The following NOX5 variants were observed in gnomAD, a reference collection of about 807,000 sequenced individuals.
NOX5 encodes NADPH oxidase, EF-hand calcium binding domain 5.
A neutral mutation model predicts 85.7 loss-of-function variants in NOX5; 76 were observed. That is an observed-to-expected ratio of 0.89 (90% confidence interval 0.74 to 1.07). The LOEUF is 1.07. Ranked by LOEUF, NOX5 falls within the 50% of genes least tolerant of loss-of-function variation. The pLI is 0.00. For synonymous variants in NOX5, 405 were observed against 401.4 expected, an observed-to-expected ratio of 1.01 and a Z score of -0.11; for missense variants, 973 against 999.5, an observed-to-expected ratio of 0.97 and a Z score of 0.36.
At chr15:69,031,058 ACCAC>A in intron 3 of NOX5, 1 of 159,562 alleles carries the variant, frequency 6.3e-6, no homozygotes, top group Non-Finnish European at 1.4e-5. Flanking sequence ...ATCACTTTCA[ACCAC>A]CCATGTTTAC....
chr15:69,027,659 A>G (rs975498941), intron 2 of NOX5, among the ~76,000 whole-genome samples: 1 of 152,198 alleles, frequency 6.6e-6, no homozygotes, highest in African/African-American at 2.4e-5. Flanking sequence ...CAGAGGCTAC[A>G]CAGTACAAGA....
Position 69,031,505 on chromosome 15 carries a change from C to A in NOX5, c.326-13C>A. 8 of 1,593,140 alleles carry A rather than the reference C, an allele frequency of 5.0e-6. No individual in the cohort carries two copies. The highest frequency in any genetic ancestry group is 6.8e-6 in the Non-Finnish European group (8 of 1,168,064). On this transcript the variant is annotated splice_polypyrimidine_tract_variant and intron_variant, in intron 3 of 15. Coordinates refer to ENST00000388866, the MANE Select transcript of NOX5 (RefSeq NM_024505.4). ...GAGGTGGGTAAACAGAAGAGGCCCA[C>A]CACTTCTTGCAGTGTGTGCACGGCA...
rs570958858 is a variant in NOX5 at position 69,021,563 on chromosome 15, G to A, written c.51-4965G>A. On this transcript the variant is annotated intron_variant, in intron 1 of 15. Transcript: ENST00000388866. Reference sequence around the variant, plus strand: ...AATCTCTTGACCTCATGATCCACCTGCCTTGGCCTCCCAAAGTGCTGGGAT... The same window carrying A: ...AATCTCTTGACCTCATGATCCACCTACCTTGGCCTCCCAAAGTGCTGGGAT... 2.5e-3 allele frequency among the ~76,000 whole-genome samples: 379 copies of A among 152,206 alleles called. 1 individual carries two copies. Among genetic ancestry groups the A allele is most frequent in the Non-Finnish European group, 4.0e-3 (271 of 68,006 alleles).
intron 12 of NOX5, 32 bp from the exon 13 acceptor site, chr15:69,047,798 A>G (rs375188947): frequency 1.5e-4 from 245 of 1,612,184 alleles, no homozygotes; most frequent in Non-Finnish European, 2.0e-4. Flanking sequence ...CTCACCCCAA[A>G]TTTACAACCC....
intron 4 of NOX5, 111 bp downstream of exon 4, chr15:69,031,923 G>GT: frequency 8.9e-7 from 1 of 1,120,920 alleles, no homozygotes; most frequent in African/African-American, 1.7e-5. Context: ...GCCCTGCCCC[G>GT]CCCCTCCCCA....
chr15:69,054,772 A>C (rs2050789931), intron 14 of NOX5, among the ~76,000 whole-genome samples: 1 of 151,830 alleles, frequency 6.6e-6, no homozygotes, highest in South Asian at 2.1e-4. Context: ...CATTCACTCG[A>C]CCCTTGACCC....
chr15:69,045,155 C>G (rs1378290521), intron 10 of NOX5, among the ~76,000 whole-genome samples: 1 of 152,212 alleles, frequency 6.6e-6, no homozygotes, highest in Non-Finnish European at 1.5e-5. Flanking sequence ...AAGCCATGTT[C>G]AGGAAGTATG....
chr15:69,047,432 A>G lies in NOX5; in HGVS notation c.1712A>G (p.Tyr571Cys). ...CNIKCYIDGP[Y>C]GTPTRRIFAS... is the part of the protein sequence containing the mutation. ...GCACAGTGCTACATCGATGGGCCTT[A>G]TGGGACCCCCACCCGCAGGATCTTT... is the stretch of plus-strand genomic sequence containing the variant. The change falls in exon 12 of 16, where the codon TAT becomes TGT. Residue 571 changes from tyrosine (Y) to cysteine (C), a missense_variant. Transcript: ENST00000388866. 1 of 1,613,680 alleles carries G rather than the reference A, an allele frequency of 6.2e-7. No individual in the cohort carries two copies. The highest frequency in any genetic ancestry group is 8.5e-7 in the Non-Finnish European group (1 of 1,179,906).
At chr15:69,016,388 G>A (rs1035862275) in intron 1 of NOX5, among the ~76,000 whole-genome samples, 11 of 152,220 alleles carry the variant, frequency 7.2e-5, no homozygotes, top group African/African-American at 2.4e-4. Flanking sequence ...CCTCCTTGCT[G>A]CCTGCAGCTC....
chr15:69,039,378 G>T (rs11629856), intron 9 of NOX5, among the ~76,000 whole-genome samples: 41,695 of 151,342 alleles, frequency 0.28, 6,156 homozygotes, highest in South Asian at 0.39. Flanking sequence ...GCTATGGGGG[G>T]TGGCGGGGGG....
intron 5 of NOX5, among the ~76,000 whole-genome samples, chr15:69,033,801 C>T (rs1481086166): frequency 6.7e-6 from 1 of 148,732 alleles, no homozygotes; most frequent in Non-Finnish European, 1.5e-5. Flanking sequence ...TTCAAGCGAT[C>T]CTCCTGCCTC....
At chr15:69,050,326 T>C (rs878970970) in intron 14 of NOX5, among the ~76,000 whole-genome samples, 1 of 152,244 alleles carries the variant, frequency 6.6e-6, no homozygotes, top group Admixed American at 6.5e-5. Context: ...TGTGCCTGGA[T>C]TGAGATTTCC....
At chr15:69,015,840 G>A (rs1028671289) in intron 1 of NOX5, among the ~76,000 whole-genome samples, 4 of 150,702 alleles carry the variant, frequency 2.7e-5, no homozygotes, top group African/African-American at 9.8e-5. Context: ...AGGGACATGA[G>A]AAGCAGGCAC....
At chr15:69,023,372 C>T (rs979669639) in intron 1 of NOX5, 2 of 299,108 alleles carry the variant, frequency 6.7e-6, no homozygotes, top group African/African-American at 2.3e-5. Context: ...ATTCAAAAAC[C>T]TGCTGGGTAA....
intron 9 of NOX5, among the ~76,000 whole-genome samples, chr15:69,039,246 C>T (rs2050561917): frequency 6.6e-6 from 1 of 152,046 alleles, no homozygotes; most frequent in South Asian, 2.1e-4. Context: ...GGGCATTCAG[C>T]TGGACTTTGA....
chr15:69,033,162 G>A lies in NOX5; in HGVS notation c.740G>A (p.Gly247Asp), dbSNP rs1379801296. The A allele has an allele frequency of 6.3e-7, 1 of 1,582,512 alleles. No individual in the cohort carries two copies. Among genetic ancestry groups the A allele is most frequent in the Non-Finnish European group, 8.5e-7 (1 of 1,171,296 alleles). The change falls in exon 5 of 16, where the codon GGC becomes GAC. Residue 247 changes from glycine (G) to aspartate (D), a missense_variant. Physicochemically the swap from Gly to Asp is moderately conservative, Grantham distance 94 (BLOSUM62 -1). Transcript: ENST00000388866. Reference protein sequence around the residue: ...SQLFCLATYAGLHVLLFGLAA... With the variant: ...SQLFCLATYADLHVLLFGLAA... ...CTGTTCTGCCTGGCCACCTATGCAG[G>A]CCTCCACGTGCTGCTCTTCGGGCTG...
intron 1 of NOX5, among the ~76,000 whole-genome samples, chr15:69,025,287 T>G (rs922851749): frequency 2.0e-4 from 30 of 152,316 alleles, no homozygotes; most frequent in African/African-American, 7.0e-4. Flanking sequence ...ACGTATTTCC[T>G]CCATACTGCA....
chr15:69,035,709 G>A (rs187816328), intron 6 of NOX5, 49 bp from the exon 7 acceptor site: 1 of 1,594,908 alleles, frequency 6.3e-7, no homozygotes, highest in Admixed American at 1.7e-5. Flanking sequence ...AAGGTGGAGT[G>A]GGAAGAGCTG....
Position 69,035,583 on chromosome 15 carries a change from T to C in NOX5, c.1009+76T>C, listed in dbSNP as rs1567099723. 12 of 1,576,854 alleles carry C rather than the reference T, an allele frequency of 7.6e-6. No individual in the cohort carries two copies. In the East Asian group the frequency reaches 2.7e-4, roughly 35 times the overall value. On this transcript the variant is annotated intron_variant, in intron 6 of 15. Transcript: ENST00000388866. Reference sequence around the variant, plus strand: ...AGCCCAGAATGCAGGGCCCAGCCCCTGTGTGTACTGCCTGCCCAAAGGGCA... The same window carrying C: ...AGCCCAGAATGCAGGGCCCAGCCCCCGTGTGTACTGCCTGCCCAAAGGGCA...
Sources: allele counts gnomAD v4.1 joint callset (sites outside exome capture counted in the v4.1 genomes callset), GRCh38; gene constraint gnomAD v4.1.1; transcripts MANE v1.5; gene names NCBI Gene and HGNC (gene_info 2026-07-23, HGNC 2026-07-21).